The following EXOC4 variants were observed in gnomAD, a reference collection of about 807,000 sequenced individuals.
EXOC4 encodes the protein SEC8-like 1.
EXOC4 carries 71 observed loss-of-function variants against 107.2 expected under a neutral mutation model. The ratio of observed to expected loss-of-function variants is 0.66; its 90% confidence interval spans 0.55 to 0.81. The LOEUF (loss-of-function observed/expected upper bound fraction) is 0.81. Among genes scored for constraint, EXOC4 ranks in the 30% least tolerant of loss-of-function variants. The pLI is 0.00. For missense variants in EXOC4, 1,108 were observed against 1,189.6 expected (o/e 0.93, Z 1.01); for synonymous variants, 456 against 441.2 (o/e 1.03, Z -0.42).
At chr7:133,330,155 A>G (rs957730444) in intron 5 of EXOC4, among the ~76,000 whole-genome samples, 2 of 152,094 alleles carry the variant, frequency 1.3e-5, no homozygotes, top group East Asian at 3.9e-4. Context: ...ATCTGGCCAC[A>G]GCGGCCTTGC....
chr7:133,672,082 A>T (rs1389271502), intron 10 of EXOC4, among the ~76,000 whole-genome samples: 1 of 152,172 alleles, frequency 6.6e-6, no homozygotes, highest in Admixed American at 6.5e-5. Flanking sequence ...ATGTGTGGAT[A>T]TTGAGCACTT....
chr7:133,833,130 A>G (rs961133380), intron 11 of EXOC4, among the ~76,000 whole-genome samples: 7 of 152,160 alleles, frequency 4.6e-5, no homozygotes, highest in Non-Finnish European at 1.0e-4. Flanking sequence ...AAGCTCTAGC[A>G]AAGACCACAA....
rs537328220 is a variant in EXOC4 at position 133,827,941 on chromosome 7, AAAGGAAGTCTCTGAGATTAC to A, written c.1734+10398_1734+10417del. Among the ~76,000 whole-genome samples, 65 of 152,304 alleles carry A rather than the reference AAAGGAAGTCTCTGAGATTAC, an allele frequency of 4.3e-4. 4 individuals carry two copies. The South Asian group carries it at 0.011, about 27-fold the overall frequency. On this transcript the variant is annotated intron_variant, in intron 11 of 17. Coordinates refer to ENST00000253861, the MANE Select transcript of EXOC4 (RefSeq NM_021807.4). ...AATATAGGGATAACCCCTGGGTTTT[AAAGGAAGTCTCTGAGATTAC>A]TTTCTATCATGAGTAAAGGAGCCCC...
chr7:133,800,432 A>G (rs1034124319), intron 10 of EXOC4, among the ~76,000 whole-genome samples: 21 of 152,288 alleles, frequency 1.4e-4, no homozygotes, highest in Non-Finnish European at 2.6e-4. Flanking sequence ...TAAGACCTAA[A>G]ATAATCATTT....
chr7:133,443,460 A>G (rs965290790), intron 7 of EXOC4, among the ~76,000 whole-genome samples: 2 of 152,112 alleles, frequency 1.3e-5, no homozygotes, highest in Non-Finnish European at 2.9e-5. Context: ...TGAAATGCCT[A>G]ATAGTTGTCC....
chr7:133,269,475 CTTAGAT>C (rs1446515915), intron 1 of EXOC4, among the ~76,000 whole-genome samples: 1 of 152,140 alleles, frequency 6.6e-6, no homozygotes, highest in Non-Finnish European at 1.5e-5. Context: ...TGAGGATTGT[CTTAGAT>C]TAGGTATGCA....
intron 10 of EXOC4, among the ~76,000 whole-genome samples, chr7:133,672,145 A>C (rs902753253): frequency 6.6e-6 from 1 of 152,066 alleles, no homozygotes; most frequent in African/African-American, 2.4e-5. Flanking sequence ...TAATCCCAGC[A>C]CTTTGGGAGG....
rs141403608 is a variant in EXOC4, at chr7:133,467,085, C to T, written c.1183-8243C>T. Among the ~76,000 whole-genome samples, 43 of 152,196 alleles carry T rather than the reference C, an allele frequency of 2.8e-4. No homozygotes were observed. In the Middle Eastern group the frequency reaches 0.01, roughly 36 times the overall value. The stretch of plus-strand genomic sequence containing the variant: ...ATTCACATTATGTATTTCAAGTTCA[C>T]GGGCGTATATTCCAAACAAAATTTA... On this transcript the variant is annotated intron_variant, in intron 7 of 17. Coordinates refer to ENST00000253861, the MANE Select transcript of EXOC4 (RefSeq NM_021807.4).
intron 7 of EXOC4, among the ~76,000 whole-genome samples, chr7:133,436,932 G>A (rs1164429496): frequency 6.6e-6 from 1 of 151,898 alleles, no homozygotes; most frequent in African/African-American, 2.4e-5. Context: ...TTACCTGTTT[G>A]CCCTGTCTAT....
chr7:134,017,773 C>T (rs140216461), intron 17 of EXOC4, among the ~76,000 whole-genome samples: 2 of 152,302 alleles, frequency 1.3e-5, no homozygotes, highest in African/African-American at 4.8e-5. Flanking sequence ...CAGTAACTGA[C>T]GTTTGATTCC....
At chr7:133,772,804 G>A (rs1156570031) in intron 10 of EXOC4, among the ~76,000 whole-genome samples, 1 of 152,036 alleles carries the variant, frequency 6.6e-6, no homozygotes, top group Non-Finnish European at 1.5e-5. Context: ...TTCTGGGCAA[G>A]CCTGACTTGC....
At chr7:133,898,940 T>C (rs930127859) in intron 12 of EXOC4, among the ~76,000 whole-genome samples, 10 of 150,508 alleles carry the variant, frequency 6.6e-5, no homozygotes, top group Admixed American at 2.0e-4. Context: ...ATTGCACCCC[T>C]GCACTCCAGA....
intron 5 of EXOC4, among the ~76,000 whole-genome samples, chr7:133,334,379 T>G (rs1175436701): frequency 6.6e-6 from 1 of 152,226 alleles, no homozygotes; most frequent in African/African-American, 2.4e-5. Flanking sequence ...CTCTCTTCCA[T>G]GAAGGGTAAG....
intron 17 of EXOC4, among the ~76,000 whole-genome samples, chr7:134,063,761 C>G (rs574014722): frequency 6.6e-6 from 1 of 152,130 alleles, no homozygotes; most frequent in Admixed American, 6.6e-5. Flanking sequence ...TAATAATAAT[C>G]TTTATGAAGC....
At chr7:133,939,371 A>G (rs922045652) in intron 14 of EXOC4, among the ~76,000 whole-genome samples, 8 of 152,200 alleles carry the variant, frequency 5.3e-5, no homozygotes, top group East Asian at 1.9e-4. Context: ...CACTACTTGC[A>G]TGGCCTCATG....
rs554315937 is a variant in EXOC4, at chr7:133,416,026, G to A, written c.1182+41024G>A. ...CCATGTCAGATCACACAGAGAGGGA[G>A]CAAATGTAGTTAAATAAAAAACAAC... On this transcript the variant is annotated intron_variant, in intron 7 of 17. Coordinates refer to ENST00000253861, the MANE Select transcript of EXOC4 (RefSeq NM_021807.4). Among the ~76,000 whole-genome samples the A allele has an allele frequency of 2.6e-5, 4 of 152,254 alleles. No homozygotes were observed. In the South Asian group the frequency reaches 8.3e-4, roughly 32 times the overall value.
chr7:133,910,090 A>T (rs1585241560), intron 12 of EXOC4, among the ~76,000 whole-genome samples: 2 of 152,062 alleles, frequency 1.3e-5, no homozygotes, highest in African/African-American at 4.8e-5. Context: ...CACTCAGCTA[A>T]TTTGTATTTT....
At chr7:133,476,161 C>T (rs1160300369) in intron 8 of EXOC4, among the ~76,000 whole-genome samples, 3 of 152,016 alleles carry the variant, frequency 2.0e-5, no homozygotes, top group Non-Finnish European at 4.4e-5. Flanking sequence ...TAGTAGCTAA[C>T]GTTTATTGAG....
At chr7:133,790,599 G>T (rs866026204) in intron 10 of EXOC4, among the ~76,000 whole-genome samples, 3 of 152,256 alleles carry the variant, frequency 2.0e-5, no homozygotes, top group Non-Finnish European at 4.4e-5. Context: ...CATTTCATTT[G>T]AAATAATTAG....
Sources: allele counts gnomAD v4.1 joint callset (sites outside exome capture counted in the v4.1 genomes callset), GRCh38; gene constraint gnomAD v4.1.1; transcripts MANE v1.5; gene names NCBI Gene and HGNC (gene_info 2026-07-23, HGNC 2026-07-21).